Variants in MBOAT2 observed in about 807,000 individuals in gnomAD.
MBOAT2 encodes membrane-bound glycerophospholipid O-acyltransferase 2.
In MBOAT2, 28 loss-of-function variants were observed where a neutral mutation model predicts 63.4. The observed-to-expected ratio is 0.44, with a 90% CI of 0.33 to 0.61. The LOEUF is 0.61. Among genes scored for constraint, MBOAT2 ranks in the 20% least tolerant of loss-of-function variants. MBOAT2 has a pLI of 0.03. For missense variants in MBOAT2, 470 were observed against 605.8 expected (o/e 0.78, Z 2.35); for synonymous variants, 211 against 215.6 (o/e 0.98, Z 0.19).
chr2:8,947,775 A>G (rs1668526428), intron 2 of MBOAT2, among the ~76,000 whole-genome samples: 1 of 152,206 alleles, frequency 6.6e-6, no homozygotes, highest in African/African-American at 2.4e-5. Flanking sequence ...GCATATTGAC[A>G]ATGTACCTGA....
chr2:8,994,643 T>C (rs932285590), intron 1 of MBOAT2, among the ~76,000 whole-genome samples: 1 of 152,196 alleles, frequency 6.6e-6, no homozygotes, highest in Non-Finnish European at 1.5e-5. Context: ...TCCCAAGTCA[T>C]GGGTCCACCT....
chr2:8,976,040 TC>T (rs1393267773), intron 1 of MBOAT2, among the ~76,000 whole-genome samples: 1 of 151,966 alleles, frequency 6.6e-6, no homozygotes, highest in Non-Finnish European at 1.5e-5. Context: ...CTCCTCTTCC[TC>T]CCCAGACAAC....
chr2:8,874,205 C>T (rs1315788244), intron 7 of MBOAT2, among the ~76,000 whole-genome samples: 1 of 152,118 alleles, frequency 6.6e-6, no homozygotes, highest in Non-Finnish European at 1.5e-5. Flanking sequence ...AAGCATATGC[C>T]GGATGCACTG....
chr2:8,866,580 A>T (rs1318189507), intron 9 of MBOAT2, among the ~76,000 whole-genome samples: 1 of 152,264 alleles, frequency 6.6e-6, no homozygotes, highest in Non-Finnish European at 1.5e-5. Context: ...TTAAAAGACC[A>T]TGATCAAACA....
chr2:8,936,964 T>C (rs1261177641), intron 3 of MBOAT2, among the ~76,000 whole-genome samples: 1 of 152,100 alleles, frequency 6.6e-6, no homozygotes, highest in Non-Finnish European at 1.5e-5. Context: ...CCAGGGAAAA[T>C]ATCTTCCTAA....
intron 1 of MBOAT2, among the ~76,000 whole-genome samples, chr2:8,996,920 C>G (rs544031532): frequency 2.0e-5 from 3 of 152,180 alleles, no homozygotes; most frequent in Non-Finnish European, 1.5e-5. Flanking sequence ...AATAAGGAAG[C>G]AGTCACATCA....
At position 8,888,100 on chromosome 2, in the gene MBOAT2, T is replaced by C. The variant is rs111606243; in HGVS notation, c.396-27A>G. 2.6e-3 allele frequency: 4,190 copies of C among 1,598,006 alleles called. 38 individuals carry two copies. The highest frequency in any genetic ancestry group is 0.014 in the South Asian group (1,224 of 88,910). The stretch of plus-strand genomic sequence containing the variant: ...TGTGACAAGATAAAAAAAATTAGTG[T>C]TTTAAAAGAAGAAAGTTAAAACAAT... On this transcript the variant is annotated intron_variant, in intron 4 of 12. Coordinates refer to ENST00000305997, the MANE Select transcript of MBOAT2 (RefSeq NM_138799.4).
intron 1 of MBOAT2, among the ~76,000 whole-genome samples, chr2:8,962,285 A>G (rs540082006): frequency 6.6e-6 from 1 of 152,216 alleles, no homozygotes; most frequent in Non-Finnish European, 1.5e-5. Context: ...TGACCACTGC[A>G]TTATACTGCC....
intron 3 of MBOAT2, among the ~76,000 whole-genome samples, chr2:8,922,496 C>G (rs995168967): frequency 2.0e-5 from 3 of 152,230 alleles, no homozygotes; most frequent in African/African-American, 7.2e-5. Context: ...AGTTAATCCA[C>G]TGAATCTTTC....
rs1029486864 is a variant in MBOAT2 at position 8,954,238 on chromosome 2, T to C, written c.221+4259A>G. Among the ~76,000 whole-genome samples the C allele has an allele frequency of 1.2e-4, 19 of 152,286 alleles. No homozygotes were observed. The South Asian group carries it at 2.5e-3, about 20-fold the overall frequency. On this transcript the variant is annotated intron_variant, in intron 2 of 12. Coordinates refer to ENST00000305997, the MANE Select transcript of MBOAT2 (RefSeq NM_138799.4). ...TTATATCAGGCTGTGGAGTTCAACC[T>C]ACAAGCCCACAGATGGTGCTTATAG...
At chr2:8,946,191 C>A (rs1379882063) in intron 2 of MBOAT2, among the ~76,000 whole-genome samples, 1 of 152,114 alleles carries the variant, frequency 6.6e-6, no homozygotes, top group Non-Finnish European at 1.5e-5. Context: ...TCACAGTAAT[C>A]ATTCGTTCTA....
chr2:8,882,449 G>A (rs777429849), intron 6 of MBOAT2, 62 bp downstream of exon 6: 97 of 1,529,952 alleles, frequency 6.3e-5, no homozygotes, highest in Non-Finnish European at 8.3e-5. Context: ...AGCCACAGAA[G>A]GAACGTGGGT....
In MBOAT2 at chr2:8,970,778, T is replaced by C. The variant is rs186020136; in HGVS notation, c.76-12136A>G. ...AATAAACTAGAAAATCTAGAAGAAA[T>C]GGATGAATTCCTCGACACATACACC... On this transcript the variant is annotated intron_variant, in intron 1 of 12. Transcript: ENST00000305997. Among the ~76,000 whole-genome samples, 566 of 152,160 alleles carry C rather than the reference T, an allele frequency of 3.7e-3. 6 individuals are homozygous for C. The highest frequency in any genetic ancestry group is 0.013 in the African/African-American group (543 of 41,494).
chr2:8,884,273 G>T (rs370719854), intron 5 of MBOAT2, among the ~76,000 whole-genome samples: 2 of 140,608 alleles, frequency 1.4e-5, no homozygotes, highest in Admixed American at 7.3e-5. Flanking sequence ...TTTTTTCTTC[G>T]TATTTCCAAT....
At chr2:8,974,293 A>C in intron 1 of MBOAT2, 1 of 447,000 alleles carries the variant, frequency 2.2e-6, no homozygotes, top group South Asian at 1.6e-5. Context: ...TCAATGAGAA[A>C]TATGGCTAGG....
intron 1 of MBOAT2, among the ~76,000 whole-genome samples, 156 bp from the exon 2 acceptor site, chr2:8,958,798 G>A (rs1669406462): frequency 1.3e-5 from 2 of 152,124 alleles, no homozygotes; most frequent in Non-Finnish European, 2.9e-5. Context: ...AAATCCCAAG[G>A]ATGAGCCTCA....
At chr2:8,899,424 G>A (rs925709222) in intron 4 of MBOAT2, among the ~76,000 whole-genome samples, 5 of 152,192 alleles carry the variant, frequency 3.3e-5, no homozygotes, top group South Asian at 2.1e-4. Flanking sequence ...CAGGACAGGA[G>A]ATTAGCACTG....
Position 8,895,164 on chromosome 2 carries a change from T to G in MBOAT2, c.396-7091A>C, listed in dbSNP as rs116769962. On this transcript the variant is annotated intron_variant, in intron 4 of 12. Coordinates refer to ENST00000305997, the MANE Select transcript of MBOAT2 (RefSeq NM_138799.4). ...AACGGACCCTAGCGGGAGCCACTGC[T>G]GGCTCACCTGGCCTGCTTTTATTCC... Among the ~76,000 whole-genome samples the G allele has an allele frequency of 6.7e-3, 1,026 of 152,350 alleles. 20 individuals carry two copies. The highest frequency in any genetic ancestry group is 0.024 in the African/African-American group (985 of 41,588).
intron 1 of MBOAT2, among the ~76,000 whole-genome samples, chr2:8,981,295 G>C (rs957060580): frequency 2.0e-5 from 3 of 152,104 alleles, no homozygotes; most frequent in Non-Finnish European, 4.4e-5. Context: ...CCATTGAATT[G>C]TACACTTTAA....
Sources: allele counts gnomAD v4.1 joint callset (sites outside exome capture counted in the v4.1 genomes callset), GRCh38; gene constraint gnomAD v4.1.1; transcripts MANE v1.5; gene names NCBI Gene and HGNC (gene_info 2026-07-23, HGNC 2026-07-21).